Variants in AOPEP observed in about 807,000 individuals in gnomAD.
The protein encoded by AOPEP is aminopeptidase O.
Under a neutral mutation model 98.1 loss-of-function variants are expected in AOPEP, and 77 were observed. The ratio of observed to expected loss-of-function variants is 0.78; its 90% CI spans 0.65 to 0.95. AOPEP has a LOEUF of 0.95. Among genes scored for constraint, AOPEP ranks in the 40% least tolerant of loss-of-function variants. The probability of loss-of-function intolerance (pLI) is 0.00; values close to 1 mark genes in which losing one functional copy is unlikely to be tolerated. For missense variants in AOPEP, 1,024 were observed against 1,024.7 expected (o/e 1.00, Z 0.01); for synonymous variants, 346 against 365.3 (o/e 0.95, Z 0.60).
At chr9:95,100,363 T>G in the AOPEP span, 5 of 231,704 alleles carry the variant, frequency 2.2e-5, no homozygotes, top group Non-Finnish European at 3.4e-5. Context: ...TTCCAGATCT[T>G]CAGTGGATCT....
intron 13 of AOPEP, among the ~76,000 whole-genome samples, chr9:95,037,328 A>T (rs2064917927): frequency 6.6e-6 from 1 of 152,168 alleles, no homozygotes; most frequent in African/African-American, 2.4e-5. Flanking sequence ...AAAACTGATT[A>T]GTGTTCATTG....
the AOPEP span, among the ~76,000 whole-genome samples, chr9:95,144,015 C>G: frequency 1.3e-5 from 2 of 151,918 alleles, no homozygotes; most frequent in Admixed American, 1.3e-4. Flanking sequence ...AATTGTCAAA[C>G]AGATGAAATT....
intron 14 of AOPEP, among the ~76,000 whole-genome samples, chr9:95,075,252 T>A (rs2068927217): frequency 6.6e-6 from 1 of 152,244 alleles, no homozygotes; most frequent in South Asian, 2.1e-4. Context: ...ATTAAATTTT[T>A]CAACTATATT....
At chr9:94,731,254 G>A (rs1291497138) in intron 1 of AOPEP, among the ~76,000 whole-genome samples, 1 of 150,922 alleles carries the variant, frequency 6.6e-6, no homozygotes, top group Non-Finnish European at 1.5e-5. Context: ...TTGAGACGGA[G>A]TCTCGCTCTG....
intron 5 of AOPEP, among the ~76,000 whole-genome samples, chr9:94,825,078 A>G (rs973068731): frequency 6.6e-6 from 1 of 152,148 alleles, no homozygotes; most frequent in East Asian, 1.9e-4. Flanking sequence ...GCTGCTGCAG[A>G]AGAGATGGCC....
chr9:95,111,766 G>T, the AOPEP span: 1 of 1,037,916 alleles, frequency 9.6e-7, no homozygotes, highest in Non-Finnish European at 1.5e-6. Context: ...CAACCTGCAA[G>T]GAATACAATT....
At chr9:94,931,352 C>T (rs2055269948) in intron 7 of AOPEP, among the ~76,000 whole-genome samples, 1 of 152,018 alleles carries the variant, frequency 6.6e-6, no homozygotes. Flanking sequence ...TTAGGCTAAC[C>T]ATGAATTGAC....
At chr9:95,139,767 T>G in the AOPEP span, among the ~76,000 whole-genome samples, 2 of 149,602 alleles carry the variant, frequency 1.3e-5, no homozygotes, top group East Asian at 3.9e-4. Flanking sequence ...GAGGAGGAGG[T>G]AATGAACATT....
At chr9:95,135,283 A>G in the AOPEP span, 1 of 1,508,316 alleles carries the variant, frequency 6.6e-7, no homozygotes, top group Non-Finnish European at 9.2e-7. Flanking sequence ...TTCTCTGACT[A>G]AAAGAAATGA....
At chr9:95,107,870 G>C in the AOPEP span, among the ~76,000 whole-genome samples, 1 of 152,324 alleles carries the variant, frequency 6.6e-6, no homozygotes, top group Non-Finnish European at 1.5e-5. Flanking sequence ...GAGGCCACAA[G>C]TCTGTGGAAC....
At chr9:95,065,380 C>T (rs1251377841) in intron 14 of AOPEP, 3 of 152,272 alleles carry the variant, frequency 2.0e-5, no homozygotes, top group Non-Finnish European at 4.4e-5. Flanking sequence ...GGGCCTCTGC[C>T]CCGTAGGACA....
At chr9:95,022,799 A>G (rs1477597983) in intron 13 of AOPEP, among the ~76,000 whole-genome samples, 1 of 152,180 alleles carries the variant, frequency 6.6e-6, no homozygotes, top group East Asian at 1.9e-4. Context: ...TTAGCAGGAA[A>G]AATGTTTGTC....
chr9:94,963,087 G>A (rs918403851), intron 9 of AOPEP, among the ~76,000 whole-genome samples: 1 of 152,090 alleles, frequency 6.6e-6, no homozygotes, highest in African/African-American at 2.4e-5. Context: ...CCTCTCTTGA[G>A]TGTAACAATA....
At chr9:95,046,451 T>C (rs2065875132) in intron 13 of AOPEP, among the ~76,000 whole-genome samples, 1 of 152,218 alleles carries the variant, frequency 6.6e-6, no homozygotes, top group African/African-American at 2.4e-5. Context: ...TTAAAGAATG[T>C]TTGTTTTTTA....
chr9:94,952,256 C>T (rs557097750), intron 7 of AOPEP, among the ~76,000 whole-genome samples: 4 of 152,180 alleles, frequency 2.6e-5, no homozygotes, highest in Non-Finnish European at 4.4e-5. Context: ...GTTTCATGTA[C>T]GTGCATCGCT....
intron 5 of AOPEP, among the ~76,000 whole-genome samples, chr9:94,915,100 C>CA (rs2052613405): frequency 6.6e-6 from 1 of 152,080 alleles, no homozygotes; most frequent in South Asian, 2.1e-4. Flanking sequence ...CACATATTAA[C>CA]TCTGGGATTT....
chr9:95,029,664 C>T (rs2133341223), intron 13 of AOPEP, among the ~76,000 whole-genome samples: 1 of 152,246 alleles, frequency 6.6e-6, no homozygotes, highest in Middle Eastern at 3.4e-3. Context: ...ATATTTTGGG[C>T]ATTTCAGTGT....
intron 5 of AOPEP, among the ~76,000 whole-genome samples, chr9:94,818,324 T>C (rs528641472): frequency 6.6e-6 from 1 of 152,356 alleles, no homozygotes; most frequent in African/African-American, 2.4e-5. Flanking sequence ...GGCTTATTAG[T>C]GTGAATCACA....
chr9:95,108,965 G>A, the AOPEP span, among the ~76,000 whole-genome samples: 2 of 151,680 alleles, frequency 1.3e-5, no homozygotes, highest in Non-Finnish European at 1.5e-5. Flanking sequence ...GAATGCAGTG[G>A]TGCAATCTCT....
Sources: gnomAD v4.1 joint callset for allele counts (sites outside exome capture counted in the v4.1 genomes callset) on GRCh38, gnomAD v4.1.1 for gene constraint, MANE v1.5 for transcripts, NCBI Gene and HGNC (gene_info 2026-07-23, HGNC 2026-07-21) for gene names.